The following RPL6 variants were observed in gnomAD, a reference collection of about 807,000 sequenced individuals.
RPL6 encodes the protein ribosomal protein L6, also known as large ribosomal subunit protein eL6.
RPL6 carries 1 observed loss-of-function variant against 32.1 expected under a neutral mutation model. The ratio of observed to expected loss-of-function variants is 0.03; its 90% CI spans 0.01 to 0.15. The LOEUF is 0.15. Among genes scored for constraint, RPL6 ranks in the 10% least tolerant of loss-of-function variants. The pLI, the probability that RPL6 is intolerant of heterozygous loss-of-function variation, is 1.00. For synonymous variants in RPL6, 126 were observed against 131.6 expected, an observed-to-expected ratio of 0.96 and a Z score of 0.29; for missense variants, 275 against 354.6, an observed-to-expected ratio of 0.78 and a Z score of 1.80.
intron 1 of RPL6, 104 bp from the exon 2 acceptor site, chr12:112,408,760 A>G (rs2037263272): frequency 6.3e-6 from 6 of 946,026 alleles, no homozygotes; most frequent in South Asian, 1.7e-5. Flanking sequence ...CCCAGACTAC[A>G]ATCCCTCCCC....
At chr12:112,413,795 G>T (rs1018650755), upstream of RPL6, among the ~76,000 whole-genome samples, 6 of 151,632 alleles carry the variant, frequency 4.0e-5, no homozygotes, top group African/African-American at 1.5e-4. Context: ...GGAGGCGGAG[G>T]CAGGATGATT....
In RPL6 at chr12:112,407,106, G is replaced by C. The variant is rs1442708407; in HGVS notation, c.337-216C>G. 2.0e-5 allele frequency: 10 copies of C among 489,656 alleles called. No homozygotes were observed. In the East Asian group the frequency reaches 3.6e-4, roughly 17 times the overall value. The allele number at this position is 489,656 out of a possible 1,614,324, so 30.3% of individuals were successfully genotyped here. A position where few individuals can be genotyped will look rare whatever the true frequency, so the allele number is the denominator to read the frequency against. ...AAAGGAGACACCATTTAATGAATGA[G>C]ATGTGTGCTCAAGCAAAGAAAGCAT... On this transcript the variant is annotated intron_variant, in intron 3 of 6. Transcript: ENST00000202773.
intron 1 of RPL6, among the ~76,000 whole-genome samples, chr12:112,417,360 A>G (rs2037426212): frequency 1.3e-5 from 2 of 151,282 alleles, no homozygotes; most frequent in South Asian, 4.2e-4. Context: ...GCTCAGCTAG[A>G]TCTGTAGCCT....
chr12:112,412,046 AT>A (rs1231220066), upstream of RPL6, among the ~76,000 whole-genome samples: 225 of 137,896 alleles, frequency 1.6e-3, 1 homozygote, highest in Admixed American at 3.8e-3. Context: ...CACCTGGCTA[AT>A]TTTTTTTTTT....
At chr12:112,408,015 C>G in intron 3 of RPL6, 1 of 536,950 alleles carries the variant, frequency 1.9e-6, no homozygotes, top group Non-Finnish European at 3.3e-6. Context: ...CCACCACACT[C>G]AGCCTCATTC....
chr12:112,407,439 T>C (rs1403269467), intron 3 of RPL6: 2 of 153,770 alleles, frequency 1.3e-5, no homozygotes, highest in African/African-American at 4.8e-5. Flanking sequence ...TTTCCAACTA[T>C]ACCATATCAT....
upstream of RPL6, chr12:112,409,638 T>C (rs1355879684): frequency 7.6e-6 from 3 of 396,884 alleles, no homozygotes; most frequent in Non-Finnish European, 1.3e-5. Context: ...CTATAAGCAA[T>C]CATGGGAAGT....
At chr12:112,409,724 T>C (rs1594111269), upstream of RPL6, 1 of 369,200 alleles carries the variant, frequency 2.7e-6, no homozygotes, top group East Asian at 3.9e-5. Context: ...AAGTAGTAAA[T>C]CCTAGGCCGG....
rs770697662 is a variant in RPL6 at position 112,405,821 on chromosome 12, G to A, written c.714+32C>T. ...TTCACTCCCAGGTAGAAGGGCCAGT[G>A]CTAACACAGGAGATGACAAGTAGAA... On this transcript the variant is annotated intron_variant, in intron 6 of 6. Transcript: ENST00000202773. The A allele has an allele frequency of 1.9e-6, 3 of 1,577,582 alleles. No homozygotes were observed. In the South Asian group the frequency reaches 3.5e-5, roughly 18 times the overall value.
At chr12:112,415,944 A>C (rs181136110) in intron 1 of RPL6, among the ~76,000 whole-genome samples, 1,569 of 139,286 alleles carry the variant, frequency 0.011, 19 homozygotes, top group Non-Finnish European at 0.015. Context: ...GTAGGGAGTG[A>C]CTAGTTTTGC....
chr12:112,408,371 A>G, intron 2 of RPL6, 33 bp from the exon 3 acceptor site: 4 of 1,613,288 alleles, frequency 2.5e-6, no homozygotes, highest in Non-Finnish European at 3.4e-6. Context: ...ACAGTAAGAG[A>G]ATGCCAATTA....
At chr12:112,406,677 C>T (rs1437542121) in intron 4 of RPL6, 70 bp downstream of exon 4, 30 of 1,576,688 alleles carry the variant, frequency 1.9e-5, no homozygotes, top group South Asian at 6.9e-5. Context: ...GTACACCTAG[C>T]GTGCAAACGC....
intron 1 of RPL6, among the ~76,000 whole-genome samples, chr12:112,415,868 T>TA (rs2037400576): frequency 7.0e-6 from 1 of 142,102 alleles, no homozygotes; most frequent in East Asian, 2.6e-4. Flanking sequence ...TCCAGGGGGA[T>TA]AAACCTTTTT....
chr12:112,408,865 CTTTT>C (rs970358742), intron 1 of RPL6: 2 of 511,616 alleles, frequency 3.9e-6, no homozygotes, highest in African/African-American at 1.9e-5. Flanking sequence ...ACACTATAAA[CTTTT>C]TTTTTGAGAA....
chr12:112,408,368 G>C, intron 2 of RPL6, 30 bp from the exon 3 acceptor site: 1 of 1,613,576 alleles, frequency 6.2e-7, no homozygotes, highest in Non-Finnish European at 8.5e-7. Flanking sequence ...TCAACAGTAA[G>C]AGAATGCCAA....
At chr12:112,408,861 T>C (rs2037266624) in intron 1 of RPL6, 1 of 524,862 alleles carries the variant, frequency 1.9e-6, no homozygotes, top group Non-Finnish European at 3.3e-6. Flanking sequence ...CAATACACTA[T>C]AAACTTTTTT....
At chr12:112,408,170 A>T in intron 3 of RPL6, 70 bp downstream of exon 3, 1 of 1,138,584 alleles carries the variant, frequency 8.8e-7, no homozygotes, top group Non-Finnish European at 1.3e-6. Flanking sequence ...ACAGTATCTA[A>T]GTATTCAAAA....
At chr12:112,410,024 AGG>A (rs2037313385), upstream of RPL6, among the ~76,000 whole-genome samples, 2 of 130,456 alleles carry the variant, frequency 1.5e-5, no homozygotes, top group Admixed American at 7.6e-5. Context: ...AAAAAAAAAA[AGG>A]GCCGGACACG....
Position 112,408,839 on chromosome 12 carries a change from G to C in RPL6, c.1-183C>G, listed in dbSNP as rs147896030. 2,390 of 603,178 alleles carry C rather than the reference G, an allele frequency of 4.0e-3. 6 individuals are homozygous for C. Among genetic ancestry groups the C allele is most frequent in the Non-Finnish European group, 4.8e-3 (1,660 of 349,096 alleles). 37.4% of individuals were successfully genotyped at this position (603,178 alleles called of 1,614,324 possible). Reference sequence around the variant, plus strand: ...CCAACCTTCACTATGACTCATTTGGGGTTTGTCTCCCCAATACACTATAAA... The same window carrying C: ...CCAACCTTCACTATGACTCATTTGGCGTTTGTCTCCCCAATACACTATAAA... On this transcript the variant is annotated intron_variant, in intron 1 of 6. Transcript: ENST00000202773.
Sources: allele counts gnomAD v4.1 joint callset (sites outside exome capture counted in the v4.1 genomes callset), GRCh38; gene constraint gnomAD v4.1.1; transcripts MANE v1.5; gene names NCBI Gene and HGNC (gene_info 2026-07-23, HGNC 2026-07-21).